The following RBFOX2 variants were observed in gnomAD, a reference collection of about 807,000 sequenced individuals.
RBFOX2 encodes RNA binding protein fox-1 homolog 2.
RBFOX2 carries 10 observed loss-of-function variants against 49.1 expected under a neutral mutation model. The observed-to-expected ratio is 0.20, with a 90% CI of 0.13 to 0.35. RBFOX2 has a LOEUF of 0.35. Among genes scored for constraint, RBFOX2 ranks in the 10% least tolerant of loss-of-function variants. The pLI, the probability that RBFOX2 is intolerant of heterozygous loss-of-function variation, is 1.00. For missense variants in RBFOX2, 323 were observed against 486.9 expected, an observed-to-expected ratio of 0.66 and a Z score of 3.17; for synonymous variants, 183 against 187.4, an observed-to-expected ratio of 0.98 and a Z score of 0.19.
In RBFOX2 at chr22:35,976,342, C is replaced by T. The variant is rs202223886; in HGVS notation, c.187-37445G>A. Among the ~76,000 whole-genome samples the T allele has an allele frequency of 3.3e-3, 499 of 151,702 alleles. 3 individuals carry two copies. The highest frequency in any genetic ancestry group is 0.01 in the Middle Eastern group (3 of 294). On this transcript the variant is annotated intron_variant, in intron 1 of 13. Transcript: ENST00000438146. ...TCTGACCACCACCACCACCACCCCC[C>T]CCTCTTAATTCTTCCCTCAGTCCTT...
At chr22:35,877,288 A>G (rs2045254459) in intron 1 of RBFOX2, among the ~76,000 whole-genome samples, 1 of 152,202 alleles carries the variant, frequency 6.6e-6, no homozygotes, top group African/African-American at 2.4e-5. Context: ...GAAGGGAGAA[A>G]GGAAGAGAAA....
rs16996147 is a variant in RBFOX2 at position 35,863,560 on chromosome 22, A to G, written c.-33-53556T>C. ...ACAGATGAGCTGTCAGGAATCTGAC[A>G]GCTGCACCTGACTCTCATACCTACT... On this transcript the variant is annotated intron_variant, in intron 1 of 13. Transcript: ENST00000359369. Among the ~76,000 whole-genome samples the G allele has an allele frequency of 2.2e-3, 328 of 152,256 alleles. 8 individuals are homozygous for G. The East Asian group carries it at 0.053, about 25-fold the overall frequency.
intron 4 of RBFOX2, chr22:35,777,824 C>T (rs1852714593): frequency 1.7e-6 from 1 of 573,542 alleles, no homozygotes; most frequent in Non-Finnish European, 3.0e-6. Context: ...TACTTCATCA[C>T]CCTTCCACCC....
At chr22:35,768,940 G>T (rs1266575296) in intron 4 of RBFOX2, among the ~76,000 whole-genome samples, 1 of 151,960 alleles carries the variant, frequency 6.6e-6, no homozygotes, top group Non-Finnish European at 1.5e-5. Context: ...GGGCATAGTC[G>T]GTGTACAATT....
In RBFOX2 at chr22:35,854,708, C is replaced by A. The variant is rs536834428; in HGVS notation, c.-33-44704G>T. On this transcript the variant is annotated intron_variant, in intron 1 of 13. Coordinates refer to the RBFOX2 transcript ENST00000359369. ...AACCATGCCCAGGTATAGCTTAAAT[C>A]ATCAGCTCTTCAGAAAAATGTCAAA... 4.9e-4 allele frequency among the ~76,000 whole-genome samples: 74 copies of A among 152,130 alleles called. 1 individual carries two copies. The highest frequency in any genetic ancestry group is 3.5e-3 in the South Asian group (17 of 4,814).
chr22:35,760,025 A>C lies in RBFOX2; in HGVS notation c.755-5T>G. ...TAGGGTAAGGGAAGCCAGGAACTAA[A>C]GGGAGACCCAAAATATGACAGAAAT... On this transcript the variant is annotated splice_region_variant and splice_polypyrimidine_tract_variant and intron_variant, in intron 8 of 11. Coordinates refer to ENST00000405409, the Ensembl canonical transcript of RBFOX2. 6.2e-7 allele frequency: 1 copy of C among 1,613,740 alleles called. No homozygotes were observed. The highest frequency in any genetic ancestry group is 8.5e-7 in the Non-Finnish European group (1 of 1,180,000).
At position 35,861,600 on chromosome 22, in the gene RBFOX2, A is replaced by G. The variant is rs376102980; in HGVS notation, c.-33-51596T>C. Reference sequence around the variant, plus strand: ...GGAAATTAGAACCTATTAGTATGATATCACTACATACCTATTTAAAAGACT... The same window carrying G: ...GGAAATTAGAACCTATTAGTATGATGTCACTACATACCTATTTAAAAGACT... On this transcript the variant is annotated intron_variant, in intron 1 of 13. Coordinates refer to the RBFOX2 transcript ENST00000359369. 1.1e-4 allele frequency among the ~76,000 whole-genome samples: 17 copies of G among 152,350 alleles called. No individual in the cohort carries two copies. The East Asian group carries it at 3.3e-3, about 29-fold the overall frequency.
intron 1 of RBFOX2, among the ~76,000 whole-genome samples, chr22:35,922,117 T>C (rs990931533): frequency 1.3e-5 from 2 of 152,180 alleles, no homozygotes; most frequent in African/African-American, 4.8e-5. Flanking sequence ...TCCAAACAGG[T>C]TAATTGTTTC....
intron 1 of RBFOX2, among the ~76,000 whole-genome samples, chr22:35,836,081 C>T (rs974141229): frequency 1.3e-5 from 2 of 151,980 alleles, no homozygotes; most frequent in Admixed American, 6.6e-5. Flanking sequence ...GCTGCAGCTC[C>T]GTGGATGAAG....
At chr22:35,999,492 G>A (rs2058324191) in intron 1 of RBFOX2, 1 of 152,076 alleles carries the variant, frequency 6.6e-6, no homozygotes, top group Admixed American at 6.5e-5. Flanking sequence ...AAGAGTTGGA[G>A]GTTAAAATGA....
intron 1 of RBFOX2, among the ~76,000 whole-genome samples, chr22:35,812,565 G>A (rs1952114448): frequency 6.6e-6 from 1 of 152,118 alleles, no homozygotes; most frequent in Non-Finnish European, 1.5e-5. Context: ...CTGGCCTGAA[G>A]ACAGACATGA....
rs555665448 is a variant in RBFOX2 at position 35,884,891 on chromosome 22, A to G, written c.-34+53956T>C. Among the ~76,000 whole-genome samples, 187 of 152,296 alleles carry G rather than the reference A, an allele frequency of 1.2e-3. 1 individual carries two copies. The highest frequency in any genetic ancestry group is 4.1e-3 in the African/African-American group (170 of 41,566). On this transcript the variant is annotated intron_variant, in intron 1 of 13. Transcript: ENST00000359369. ...TTGAATCTTCCTTCCCCGTTGTAAG[A>G]TGAAACAAGATAATAGTAATGAAAG... is the stretch of plus-strand genomic sequence containing the variant.
At chr22:35,811,949 G>A (rs1444632743) in intron 1 of RBFOX2, among the ~76,000 whole-genome samples, 6 of 139,536 alleles carry the variant, frequency 4.3e-5, no homozygotes, top group Admixed American at 3.8e-4. Context: ...GAAAGACCAC[G>A]TCTCTTAAGG....
chr22:35,994,034 C>T (rs2058084133), intron 1 of RBFOX2: 1 of 152,024 alleles, frequency 6.6e-6, no homozygotes, highest in Non-Finnish European at 1.5e-5. Context: ...CTCCAAAGTT[C>T]TGAAAACAAG....
intron 1 of RBFOX2, among the ~76,000 whole-genome samples, chr22:35,892,545 A>T (rs2047372582): frequency 6.6e-6 from 1 of 152,222 alleles, no homozygotes; most frequent in African/African-American, 2.4e-5. Flanking sequence ...ACAGGTTCTA[A>T]AAATGCCCAT....
intron 1 of RBFOX2, among the ~76,000 whole-genome samples, chr22:35,838,297 CG>C (rs1958059976): frequency 6.7e-6 from 1 of 148,662 alleles, no homozygotes; most frequent in South Asian, 2.1e-4. Context: ...GCTAAAACAG[CG>C]GAAGAGGTGA....
At chr22:36,017,016 T>C (rs2059060994) in intron 1 of RBFOX2, among the ~76,000 whole-genome samples, 1 of 152,124 alleles carries the variant, frequency 6.6e-6, no homozygotes, top group East Asian at 1.9e-4. Context: ...CAGGCAAGGA[T>C]TATACAGGAC....
chr22:35,910,341 G>A (rs1275688070), intron 1 of RBFOX2, among the ~76,000 whole-genome samples: 1 of 152,178 alleles, frequency 6.6e-6, no homozygotes, highest in Non-Finnish European at 1.5e-5. Flanking sequence ...ATTTTCGCAG[G>A]CTTCTAACAG....
intron 1 of RBFOX2, among the ~76,000 whole-genome samples, chr22:35,919,463 G>A (rs1010322134): frequency 6.6e-6 from 1 of 151,988 alleles, no homozygotes; most frequent in African/African-American, 2.4e-5. Context: ...AACCTGGGAG[G>A]CGGAGGTTGC....
Sources: gnomAD v4.1 joint callset for allele counts (sites outside exome capture counted in the v4.1 genomes callset) on GRCh38, gnomAD v4.1.1 for gene constraint, MANE v1.5 for transcripts, NCBI Gene and HGNC (gene_info 2026-07-23, HGNC 2026-07-21) for gene names.